PTPRG: variants seen among roughly 807,000 people sequenced by gnomAD.
The protein encoded by PTPRG is protein tyrosine phosphatase receptor type G.
A neutral mutation model predicts 165.3 loss-of-function variants in PTPRG; 102 were observed. That is an observed-to-expected ratio of 0.62 (90% CI 0.53 to 0.73). PTPRG has a LOEUF of 0.73. Among genes scored for constraint, PTPRG ranks in the 30% least tolerant of loss-of-function variants. PTPRG has a pLI of 0.00. For missense variants in PTPRG, 1,866 were observed against 1,861.4 expected, an observed-to-expected ratio of 1.00 and a Z score of -0.05; for synonymous variants, 675 against 669.5, an observed-to-expected ratio of 1.01 and a Z score of -0.13.
intron 6 of PTPRG, among the ~76,000 whole-genome samples, chr3:62,134,963 T>C (rs1221472116): frequency 6.6e-6 from 1 of 152,140 alleles, no homozygotes; most frequent in East Asian, 1.9e-4. Flanking sequence ...ACATTAGAAA[T>C]AGTTTTTTAA....
intron 16 of PTPRG, among the ~76,000 whole-genome samples, chr3:62,261,570 G>A (rs1274101673): frequency 6.6e-6 from 1 of 150,746 alleles, no homozygotes; most frequent in Non-Finnish European, 1.5e-5. Context: ...TCCCAGAAAG[G>A]TGGATTGAAT....
intron 4 of PTPRG, among the ~76,000 whole-genome samples, chr3:62,010,261 T>C (rs1168145477): frequency 6.6e-6 from 1 of 152,110 alleles, no homozygotes; most frequent in Admixed American, 6.5e-5. Context: ...GAAGATTTAT[T>C]TGTACATTGG....
intron 4 of PTPRG, among the ~76,000 whole-genome samples, chr3:62,070,864 A>G (rs1701185697): frequency 6.6e-6 from 1 of 152,136 alleles, no homozygotes. Context: ...CTTGATTAGA[A>G]AAATACGTTT....
At chr3:61,602,949 G>C (rs561933735) in intron 1 of PTPRG, among the ~76,000 whole-genome samples, 2 of 152,284 alleles carry the variant, frequency 1.3e-5, no homozygotes, top group Non-Finnish European at 2.9e-5. Context: ...ATTTTACTCT[G>C]ATCTGTGCTC....
chr3:61,901,389 T>G (rs2038494839), intron 2 of PTPRG, among the ~76,000 whole-genome samples: 1 of 152,176 alleles, frequency 6.6e-6, no homozygotes, highest in Non-Finnish European at 1.5e-5. Flanking sequence ...CTGGATGGCT[T>G]TCAACTCTTA....
At chr3:61,754,718 C>T (rs1233433692) in intron 2 of PTPRG, among the ~76,000 whole-genome samples, 1 of 152,186 alleles carries the variant, frequency 6.6e-6, no homozygotes, top group African/African-American at 2.4e-5. Flanking sequence ...CTTTAAATAA[C>T]AAGCTCCCCT....
intron 1 of PTPRG, among the ~76,000 whole-genome samples, chr3:61,570,820 A>G (rs988821673): frequency 2.0e-5 from 3 of 152,208 alleles, no homozygotes; most frequent in Non-Finnish European, 1.5e-5. Flanking sequence ...AATGAGTTCT[A>G]CCTGTTTTTA....
intron 4 of PTPRG, among the ~76,000 whole-genome samples, chr3:62,056,724 G>A (rs1700647804): frequency 6.6e-6 from 1 of 152,170 alleles, no homozygotes; most frequent in African/African-American, 2.4e-5. Flanking sequence ...GGGTAATTAC[G>A]ATTACTGCAG....
At chr3:61,636,105 C>T (rs934495851) in intron 1 of PTPRG, among the ~76,000 whole-genome samples, 1 of 152,104 alleles carries the variant, frequency 6.6e-6, no homozygotes, top group African/African-American at 2.4e-5. Flanking sequence ...GCTTTCCTAT[C>T]GTCTAAAGTA....
At chr3:62,013,199 A>T (rs1213450374) in intron 4 of PTPRG, among the ~76,000 whole-genome samples, 1 of 152,222 alleles carries the variant, frequency 6.6e-6, no homozygotes, top group Non-Finnish European at 1.5e-5. Context: ...TAAAATCAAT[A>T]TAAAAAGGTA....
intron 2 of PTPRG, among the ~76,000 whole-genome samples, chr3:61,942,834 G>A (rs751560163): frequency 2.0e-5 from 3 of 152,138 alleles, no homozygotes; most frequent in Non-Finnish European, 4.4e-5. Flanking sequence ...ATTTTTATAT[G>A]ACTTAGCAAA....
intron 5 of PTPRG, among the ~76,000 whole-genome samples, chr3:62,119,280 G>T (rs1474568721): frequency 6.6e-6 from 1 of 152,222 alleles, no homozygotes. Context: ...TTGACAAACA[G>T]ACTGGTGCCA....
chr3:62,082,843 G>T (rs762499423), intron 5 of PTPRG, among the ~76,000 whole-genome samples: 1 of 152,174 alleles, frequency 6.6e-6, no homozygotes, highest in African/African-American at 2.4e-5. Flanking sequence ...TAGAAGGTGC[G>T]CTCCCTTCGT....
intron 2 of PTPRG, among the ~76,000 whole-genome samples, chr3:61,840,638 G>A (rs1243996862): frequency 6.6e-6 from 1 of 152,008 alleles, no homozygotes; most frequent in Admixed American, 6.6e-5. Context: ...GGCACTCTGT[G>A]GGTGGGTACA....
chr3:62,075,510 G>A (rs891499506), intron 4 of PTPRG, among the ~76,000 whole-genome samples: 3 of 152,142 alleles, frequency 2.0e-5, no homozygotes, highest in Non-Finnish European at 4.4e-5. Context: ...CAGAATTGGT[G>A]CAAATTTACA....
chr3:61,966,000 C>A (rs1043366187), intron 2 of PTPRG, among the ~76,000 whole-genome samples: 1 of 152,142 alleles, frequency 6.6e-6, no homozygotes, highest in Non-Finnish European at 1.5e-5. Context: ...TCTTTCATGG[C>A]AAAAACAAAT....
rs147717607 is a variant in PTPRG at position 61,890,846 on chromosome 3, G to A, written c.191-98779G>A. Among the ~76,000 whole-genome samples, 80 of 152,274 alleles carry A rather than the reference G, an allele frequency of 5.3e-4. No individual in the cohort carries two copies. The Middle Eastern group carries it at 0.01, about 19-fold the overall frequency. ...TGCTTATGTAAGTGTGAGAGAATGC[G>A]AAGCATTCTACAAATAATGTTTTGT... On this transcript the variant is annotated intron_variant, in intron 2 of 29. Transcript: ENST00000474889.
rs554183467 is a variant in PTPRG at position 62,255,992 on chromosome 3, G to A, written c.2559+777G>A. 8.5e-5 allele frequency among the ~76,000 whole-genome samples: 13 copies of A among 152,312 alleles called. No individual in the cohort carries two copies. In the East Asian group the frequency reaches 2.5e-3, roughly 29 times the overall value. ...AACAGACTGCCCTTTTCTTCACTGA[G>A]GCGCTTAACTAAGGCACATCTCTGG... On this transcript the variant is annotated intron_variant, in intron 16 of 29. Coordinates refer to ENST00000474889, the MANE Select transcript of PTPRG (RefSeq NM_002841.4). This position sits in a 1 kb window ranked among gnomAD's most constrained non-coding sequence, Gnocchi z 4.0.
intron 1 of PTPRG, among the ~76,000 whole-genome samples, chr3:61,692,538 A>T (rs1233666387): frequency 1.3e-5 from 2 of 151,980 alleles, no homozygotes; most frequent in Non-Finnish European, 2.9e-5. Context: ...TGTTTATTTC[A>T]CCTGGGTACA....
Sources: gnomAD v4.1 joint callset for allele counts (sites outside exome capture counted in the v4.1 genomes callset) on GRCh38, gnomAD v4.1.1 for gene constraint, Gnocchi (gnomAD v3.1) non-coding constraint, MANE v1.5 for transcripts, NCBI Gene and HGNC (gene_info 2026-07-23, HGNC 2026-07-21) for gene names.